Variants in NSMCE4A observed in about 807,000 individuals in gnomAD.
NSMCE4A encodes non-structural maintenance of chromosomes element 4 homolog A.
Under a neutral mutation model 47.9 loss-of-function variants are expected in NSMCE4A, and 40 were observed. The ratio of observed to expected loss-of-function variants is 0.83; its 90% CI spans 0.65 to 1.09. NSMCE4A has a LOEUF of 1.09. Among genes scored for constraint, NSMCE4A ranks in the 50% least tolerant of loss-of-function variants. NSMCE4A has a pLI of 0.00. For missense variants in NSMCE4A, 500 were observed against 507.0 expected (o/e 0.99, Z 0.13); for synonymous variants, 166 against 178.5 (o/e 0.93, Z 0.56).
At chr10:121,967,401 T>C in intron 4 of NSMCE4A, 2 of 402,964 alleles carry the variant, frequency 5.0e-6, no homozygotes, top group Middle Eastern at 6.8e-4. Context: ...TCTCGCCATG[T>C]TGCCCAGGCT....
rs1348768641 is a variant in NSMCE4A, at chr10:121,967,765, G to C, written c.543C>G (p.Leu181=). Residue 181 remains leucine (L), a synonymous_variant, in exon 4 of 11, where the codon CTC becomes CTG. Transcript: ENST00000369023. ...AATCAGGACTATCTTCATCACGGAT[G>C]AGTTCTTCAGCTTCTAGCGGATTTA... ...MGVNPLEAEE[L]IRDEDSPDFE... 1 of 1,613,872 alleles carries C rather than the reference G, an allele frequency of 6.2e-7. No individual in the cohort carries two copies. Among genetic ancestry groups the C allele is most frequent in the African/African-American group, 1.3e-5 (1 of 74,920 alleles).
chr10:121,971,054 T>C lies in NSMCE4A; in HGVS notation c.386A>G (p.Glu129Gly). The C allele has an allele frequency of 6.2e-7, 1 of 1,612,786 alleles. No homozygotes were observed. The highest frequency in any genetic ancestry group is 8.5e-7 in the Non-Finnish European group (1 of 1,179,458). The change falls in exon 3 of 11, where the codon GAA becomes GGA. Residue 129 changes from glutamate to glycine, a missense_variant. Physicochemically the swap from Glu to Gly is moderately conservative, Grantham distance 98 (BLOSUM62 -2). Transcript: ENST00000369023. ...AAGAAAGTGGGCATCCAGGACTGCT[T>C]CTCTTGCTCGGGACACTATTCAAAA... ...TLFNEVSRAREAVLDAHFLVL... is the reference protein window; with the variant it reads ...TLFNEVSRARGAVLDAHFLVL...
At chr10:121,962,599 G>C (rs1048290736) in intron 6 of NSMCE4A, among the ~76,000 whole-genome samples, 1 of 89,872 alleles carries the variant, frequency 1.1e-5, no homozygotes, top group Admixed American at 1.5e-4. Context: ...GATTAGCTTG[G>C]AAAAAAAGAA....
intron 2 of NSMCE4A, among the ~76,000 whole-genome samples, chr10:121,972,432 C>A (rs973198610): frequency 1.3e-5 from 2 of 152,138 alleles, no homozygotes; most frequent in African/African-American, 4.8e-5. Context: ...TATCCTGTGC[C>A]TGCCTGCCCC....
chr10:121,958,059 C>T (rs1198232314), intron 10 of NSMCE4A, among the ~76,000 whole-genome samples: 1 of 152,050 alleles, frequency 6.6e-6, no homozygotes, highest in Non-Finnish European at 1.5e-5. Context: ...GAAATCCCGT[C>T]TCTACTAAAA....
At chr10:121,973,118 C>T (rs946928967) in intron 2 of NSMCE4A, among the ~76,000 whole-genome samples, 5 of 151,912 alleles carry the variant, frequency 3.3e-5, no homozygotes, top group African/African-American at 1.2e-4. Context: ...CACCTGTAAT[C>T]CCAGCTACTC....
intron 9 of NSMCE4A, 33 bp downstream of exon 9, chr10:121,959,468 A>G (rs1258239387): frequency 3.7e-6 from 6 of 1,608,166 alleles, no homozygotes; most frequent in Admixed American, 1.7e-5. Flanking sequence ...AGGCAGAGTC[A>G]GAACTATGCA....
At chr10:121,973,788 C>T (rs1952763174) in intron 2 of NSMCE4A, among the ~76,000 whole-genome samples, 1 of 152,198 alleles carries the variant, frequency 6.6e-6, no homozygotes. Context: ...GGGCTTAACA[C>T]AGACTGCGGA....
At chr10:121,972,008 G>GA (rs1038565710) in intron 2 of NSMCE4A, among the ~76,000 whole-genome samples, 2 of 151,896 alleles carry the variant, frequency 1.3e-5, no homozygotes, top group Non-Finnish European at 2.9e-5. Context: ...AAAAGCTATG[G>GA]AAAAAAAAGA....
intron 5 of NSMCE4A, among the ~76,000 whole-genome samples, chr10:121,964,335 G>A (rs1952563836): frequency 6.6e-6 from 1 of 152,026 alleles, no homozygotes. Flanking sequence ...AGTAGAGACA[G>A]GGTTTCACCA....
Position 121,967,792 on chromosome 10 carries a change from AC to A in NSMCE4A, c.515del (p.Gly172ValfsTer2). On this transcript the variant is annotated frameshift_variant, in exon 4 of 11. Transcript: ENST00000369023. LOFTEE classifies it high-confidence loss of function. ...RYVETLLTHM[G>X]VNPLEAEELI... ...GTTCTTCAGCTTCTAGCGGATTTAC[AC>A]CCATATGTGTGAGCTACAAAAATGA... 1 of 1,608,736 alleles carries A rather than the reference AC, an allele frequency of 6.2e-7. No homozygotes were observed. The highest frequency in any genetic ancestry group is 8.5e-7 in the Non-Finnish European group (1 of 1,178,872).
chr10:121,957,913 A>C (rs927485831), intron 10 of NSMCE4A, among the ~76,000 whole-genome samples: 2 of 149,942 alleles, frequency 1.3e-5, no homozygotes, highest in Non-Finnish European at 2.9e-5. Context: ...TCCATTTTAT[A>C]GATATATTTA....
intron 5 of NSMCE4A, among the ~76,000 whole-genome samples, chr10:121,964,370 C>G (rs754167542): frequency 1.2e-4 from 19 of 152,100 alleles, no homozygotes; most frequent in Non-Finnish European, 2.5e-4. Flanking sequence ...GTTTCTAACT[C>G]CTGACCTCAG....
Position 121,960,263 on chromosome 10 carries a change from C to T in NSMCE4A, c.988+95G>A. ...ATACAATATTGTAAAAGTTAATCTA[C>T]ATTGAAAATTCATTTACATTTAGTA... On this transcript the variant is annotated intron_variant, in intron 8 of 10. Transcript: ENST00000369023. The surrounding 1 kb of genome is among the most constrained non-coding windows in gnomAD (Gnocchi z 4.2). The T allele has an allele frequency of 1.2e-6, 1 of 808,226 alleles. No individual in the cohort carries two copies. The highest frequency in any genetic ancestry group is 1.8e-6 in the Non-Finnish European group (1 of 554,200). 50.1% of individuals were successfully genotyped at this position (808,226 alleles called of 1,614,324 possible).
At chr10:121,968,455 A>G (rs12265369) in intron 3 of NSMCE4A, among the ~76,000 whole-genome samples, 1 of 152,058 alleles carries the variant, frequency 6.6e-6, no homozygotes, top group East Asian at 1.9e-4. Flanking sequence ...TCAGATTTTA[A>G]TTTTTTGCCA....
intron 4 of NSMCE4A, 123 bp from the exon 5 acceptor site, chr10:121,965,508 A>G: frequency 1.5e-6 from 1 of 676,364 alleles, no homozygotes; most frequent in Middle Eastern, 2.5e-4. Flanking sequence ...GTGATATACA[A>G]GCTGACATCA....
At chr10:121,970,808 T>A (rs1404136794) in intron 3 of NSMCE4A, 131 bp downstream of exon 3, 2 of 752,190 alleles carry the variant, frequency 2.7e-6, no homozygotes, top group Non-Finnish European at 2.0e-6. Context: ...ATTGGTAAGA[T>A]CTCTACAGAG....
chr10:121,975,094 G>A lies in NSMCE4A; in HGVS notation c.72C>T (p.Thr24=). The A allele has an allele frequency of 6.9e-7, 1 of 1,439,666 alleles. No homozygotes were observed. Among genetic ancestry groups the A allele is most frequent in the Non-Finnish European group, 9.0e-7 (1 of 1,107,392 alleles). 89.2% of individuals were successfully genotyped at this position (1,439,666 alleles called of 1,614,324 possible). A position where few individuals can be genotyped will look rare whatever the true frequency, so the allele number is the denominator to read the frequency against. The stretch of plus-strand genomic sequence containing the variant: ...GGGACCGCGAGCGGGAGCGGGAGCG[G>A]GTGCGATCCCGATGCGGGTCGCGGC... ...GRGRDPHRDR[T]RSRSRSRSPL... is the part of the protein sequence containing the mutation. Residue 24 remains threonine (T), a synonymous_variant, in exon 1 of 11, where the codon ACC becomes ACT. Coordinates refer to ENST00000369023, the MANE Select transcript of NSMCE4A (RefSeq NM_017615.3).
Position 121,959,341 on chromosome 10 carries a change from C to T in NSMCE4A, c.1153G>A (p.Ala385Thr), listed in dbSNP as rs911805030. Reference sequence around the variant, plus strand: ...AAGGTTACCTTCAGCTAGCATCAAGCACTTGGCTTCTGCTGCCTCTGACTT... The same window carrying T: ...AAGGTTACCTTCAGCTAGCATCAAGTACTTGGCTTCTGCTGCCTCTGACTT... ...TPSQRQQKPS[A>T] is the part of the protein sequence containing the mutation. The change falls in exon 10 of 11, where the codon GCT becomes ACT. Residue 385 changes from alanine to threonine, a missense_variant. By Grantham distance (58) the Ala-to-Thr change is moderately conservative. Coordinates refer to ENST00000369023, the MANE Select transcript of NSMCE4A (RefSeq NM_017615.3). The T allele has an allele frequency of 1.2e-6, 2 of 1,614,102 alleles. No homozygotes were observed. Among genetic ancestry groups the T allele is most frequent in the African/African-American group, 1.3e-5 (1 of 75,048 alleles).
Sources: gnomAD v4.1 joint callset for allele counts (sites outside exome capture counted in the v4.1 genomes callset) on GRCh38, gnomAD v4.1.1 for gene constraint, Gnocchi (gnomAD v3.1) non-coding constraint, MANE v1.5 for transcripts, NCBI Gene and HGNC (gene_info 2026-07-23, HGNC 2026-07-21) for gene names.